Variants in KCNK9 observed in about 807,000 individuals in gnomAD.
KCNK9 encodes potassium two pore domain channel subfamily K member 9.
A neutral mutation model predicts 10.8 loss-of-function variants in KCNK9; 1 was observed. The observed-to-expected ratio is 0.09, with a 90% CI of 0.03 to 0.44. The LOEUF (loss-of-function observed/expected upper bound fraction) is 0.44, where lower values mean the gene tolerates loss of function less well. KCNK9 is among the 20% of genes least tolerant of loss of function. KCNK9 has a pLI of 0.97. For missense variants in KCNK9, 303 were observed against 515.0 expected, an observed-to-expected ratio of 0.59 and a Z score of 3.98; for synonymous variants, 231 against 222.7, an observed-to-expected ratio of 1.04 and a Z score of -0.33.
At chr8:139,697,751 C>T (rs956206015) in intron 1 of KCNK9, among the ~76,000 whole-genome samples, 2 of 152,130 alleles carry the variant, frequency 1.3e-5, no homozygotes, top group African/African-American at 4.8e-5. Context: ...TCTCCGCATT[C>T]CGAGGTGTCT....
chr8:139,688,186 A>G (rs546599020), intron 1 of KCNK9, among the ~76,000 whole-genome samples: 53 of 152,306 alleles, frequency 3.5e-4, no homozygotes, highest in Non-Finnish European at 5.1e-4. Flanking sequence ...GATGAGAGCA[A>G]AATAATGGTT....
At chr8:139,611,070 C>T (rs537364845), downstream of KCNK9, among the ~76,000 whole-genome samples, 3 of 152,386 alleles carry the variant, frequency 2.0e-5, no homozygotes, top group Non-Finnish European at 2.9e-5. Context: ...AGTTCCTCAA[C>T]CAGACTTGAT....
At chr8:139,688,844 G>A (rs1816876389) in intron 1 of KCNK9, among the ~76,000 whole-genome samples, 2 of 152,168 alleles carry the variant, frequency 1.3e-5, no homozygotes, top group Non-Finnish European at 2.9e-5. Flanking sequence ...CCAGAACTAG[G>A]TGCTTTCATC....
chr8:139,654,977 G>C (rs1021287281), intron 1 of KCNK9, among the ~76,000 whole-genome samples: 1 of 152,160 alleles, frequency 6.6e-6, no homozygotes, highest in East Asian at 1.9e-4. Flanking sequence ...ATGCACCATG[G>C]ATAGATGGTC....
intron 1 of KCNK9, among the ~76,000 whole-genome samples, chr8:139,628,181 G>A (rs1361586886): frequency 1.3e-5 from 2 of 152,104 alleles, no homozygotes; most frequent in Non-Finnish European, 2.9e-5. Flanking sequence ...TGAGGCGAGT[G>A]GGGGTCAGTG....
At chr8:139,655,185 AC>A (rs1815986189) in intron 1 of KCNK9, among the ~76,000 whole-genome samples, 1 of 151,652 alleles carries the variant, frequency 6.6e-6, no homozygotes, top group African/African-American at 2.4e-5. Flanking sequence ...CAGGCTGCAG[AC>A]CCCTGTGGCC....
At chr8:139,645,452 C>T (rs1196842774) in intron 1 of KCNK9, among the ~76,000 whole-genome samples, 1 of 152,150 alleles carries the variant, frequency 6.6e-6, no homozygotes, top group African/African-American at 2.4e-5. Flanking sequence ...TTGGCATAGT[C>T]AGGCAGTGGA....
intron 1 of KCNK9, among the ~76,000 whole-genome samples, chr8:139,627,866 A>C (rs1467414975): frequency 6.6e-6 from 1 of 152,256 alleles, no homozygotes; most frequent in Non-Finnish European, 1.5e-5. Context: ...GGCTGTGAGC[A>C]GGGAATGGCC....
chr8:139,623,897 C>T (rs187023541), intron 1 of KCNK9, among the ~76,000 whole-genome samples: 14 of 152,266 alleles, frequency 9.2e-5, no homozygotes, highest in Non-Finnish European at 1.5e-4. Context: ...CCTCCGACTG[C>T]GGGTGAGATC....
Position 139,702,798 on chromosome 8 carries a change from C to G in KCNK9, c.195G>C (p.Val65=). ...SSEDYRQLEL[V]ILQSEPHRAG... is the part of the protein sequence containing the mutation. ...CGCGGTGCGGTTCCGACTGCAGGAT[C>G]ACCAGCTCCAGCTGCCGGTAGTCCT... The change falls in exon 1 of 2, where the codon GTG becomes GTC. Residue 65 remains valine, a synonymous_variant. Transcript: ENST00000520439. This position sits in a 1 kb window ranked among gnomAD's most constrained non-coding sequence, Gnocchi z 7.5. 1 of 1,613,912 alleles carries G rather than the reference C, an allele frequency of 6.2e-7. No individual in the cohort carries two copies. The highest frequency in any genetic ancestry group is 8.5e-7 in the Non-Finnish European group (1 of 1,179,968).
chr8:139,634,311 A>G (rs1485711530), intron 1 of KCNK9, among the ~76,000 whole-genome samples: 1 of 152,174 alleles, frequency 6.6e-6, no homozygotes, highest in African/African-American at 2.4e-5. Flanking sequence ...TTGAGGGAAT[A>G]TGGCTCAGGG....
intron 1 of KCNK9, among the ~76,000 whole-genome samples, chr8:139,652,896 T>A (rs1200438690): frequency 6.6e-6 from 1 of 152,152 alleles, no homozygotes; most frequent in African/African-American, 2.4e-5. Flanking sequence ...GGTCTCAGCT[T>A]CCTACAAGAG....
intron 1 of KCNK9, among the ~76,000 whole-genome samples, chr8:139,696,884 G>T (rs1381675997): frequency 6.6e-6 from 1 of 150,530 alleles, no homozygotes; most frequent in Non-Finnish European, 1.5e-5. Flanking sequence ...TAGGTGGATG[G>T]ATGGGTGGAT....
chr8:139,616,405 C>T (rs1196241208), downstream of KCNK9: 1 of 152,198 alleles, frequency 6.6e-6, no homozygotes, highest in Non-Finnish European at 1.5e-5. Flanking sequence ...TGAGAACTGT[C>T]AACTTTGGCC....
rs929771915 is a variant in KCNK9, at chr8:139,702,541, G to A, written c.283+169C>T. Among the ~76,000 whole-genome samples the A allele has an allele frequency of 6.6e-5, 10 of 152,112 alleles. 1 individual carries two copies. Among genetic ancestry groups the A allele is most frequent in the Admixed American group, 2.6e-4 (4 of 15,290 alleles). ...GGTCCCCGAAGGGTGAGGCTCGGAG[G>A]CGCCGCGGAGGGGGGGCTCCCTAGA... On this transcript the variant is annotated intron_variant, in intron 1 of 1. Transcript: ENST00000520439. The surrounding 1 kb of genome is among the most constrained non-coding windows in gnomAD (Gnocchi z 7.5).
At chr8:139,654,833 G>A (rs1269560219) in intron 1 of KCNK9, among the ~76,000 whole-genome samples, 1 of 152,218 alleles carries the variant, frequency 6.6e-6, no homozygotes, top group Non-Finnish European at 1.5e-5. Context: ...GGCATCAGCT[G>A]CAGTGGGCCG....
chr8:139,641,857 C>T (rs967051517), intron 1 of KCNK9, among the ~76,000 whole-genome samples: 4 of 152,120 alleles, frequency 2.6e-5, no homozygotes, highest in Non-Finnish European at 5.9e-5. Context: ...TGGTGTCCAG[C>T]AGAAGACAGA....
chr8:139,688,524 A>G lies in KCNK9; in HGVS notation c.283+14186T>C, dbSNP rs1267236041. 2.6e-5 allele frequency among the ~76,000 whole-genome samples: 4 copies of G among 152,098 alleles called. No homozygotes were observed. The East Asian group carries it at 7.7e-4, about 29-fold the overall frequency. ...AGAACAGCATGGGACTGCCCACATG[A>G]TCCGATCACTTCCCTCCCTTGACAC... On this transcript the variant is annotated intron_variant, in intron 1 of 1. Coordinates refer to ENST00000520439, the MANE Select transcript of KCNK9 (RefSeq NM_001282534.2).
Position 139,601,602 on chromosome 8 carries a change from C to T in KCNK9, c.*1-1G>A, listed in dbSNP as rs1326003575. ...CTCTGTTGGGGCCGCCTGCACGGTCCTGTTTTAAGGAGGAAACACAAAGAA... is the reference window on the plus strand; with the variant it reads ...CTCTGTTGGGGCCGCCTGCACGGTCTTGTTTTAAGGAGGAAACACAAAGAA... On this transcript the variant is annotated splice_acceptor_variant, in intron 2 of 2. Transcript: ENST00000650269. LOFTEE classifies it low-confidence loss of function (3UTR_SPLICE). 6.6e-6 allele frequency: 1 copy of T among 152,194 alleles called. No homozygotes were observed. The highest frequency in any genetic ancestry group is 2.4e-5 in the African/African-American group (1 of 41,430). The allele number at this position is 152,194 out of a possible 1,614,324, so 9.4% of individuals were successfully genotyped here.
Sources: gnomAD v4.1 joint callset for allele counts (sites outside exome capture counted in the v4.1 genomes callset) on GRCh38, gnomAD v4.1.1 for gene constraint, Gnocchi (gnomAD v3.1) non-coding constraint, MANE v1.5 for transcripts, NCBI Gene and HGNC (gene_info 2026-07-23, HGNC 2026-07-21) for gene names.